ATP8A1: variants seen among roughly 807,000 people sequenced by gnomAD.
The protein encoded by ATP8A1 is ATPase phospholipid transporting 8A1.
Under a neutral mutation model 177.7 loss-of-function variants are expected in ATP8A1, and 90 were observed. That is an observed-to-expected ratio of 0.51 (90% confidence interval 0.43 to 0.60). The LOEUF (loss-of-function observed/expected upper bound fraction) is 0.60. ATP8A1 is among the 20% of genes least tolerant of loss of function. The pLI is 0.00. For synonymous variants in ATP8A1, 493 were observed against 485.9 expected (o/e 1.01, Z -0.19); for missense variants, 1,072 against 1,392.8 (o/e 0.77, Z 3.67).
At chr4:42,644,277 C>T (rs1407224730) in intron 1 of ATP8A1, among the ~76,000 whole-genome samples, 1 of 152,060 alleles carries the variant, frequency 6.6e-6, no homozygotes, top group Non-Finnish European at 1.5e-5. Context: ...CAATTTGGTA[C>T]CTGGGGAAAT....
intron 16 of ATP8A1, among the ~76,000 whole-genome samples, chr4:42,555,139 A>ATCTATCTATCTTATCT (rs1553903246): frequency 4.2e-4 from 25 of 59,558 alleles, no homozygotes; most frequent in East Asian, 1.3e-3. Flanking sequence ...CTATCTATCT[A>ATCTATCTATCTTATCT]ATCTATCTAT....
At chr4:42,509,916 A>C (rs1381840921) in intron 22 of ATP8A1, among the ~76,000 whole-genome samples, 1 of 151,952 alleles carries the variant, frequency 6.6e-6, no homozygotes. Context: ...TTAAAATAAA[A>C]TTTCCCCTCT....
At position 42,506,998 on chromosome 4, in the gene ATP8A1, G is replaced by A. The variant is rs768502889; in HGVS notation, c.2086+18C>T. ...ATTAAAAAGCACCAACATGTAAAAT[G>A]TGAACTAGGTGAATTACCGATGTTA... On this transcript the variant is annotated intron_variant, in intron 23 of 36. Coordinates refer to ENST00000381668, the MANE Select transcript of ATP8A1 (RefSeq NM_006095.2). 1.2e-6 allele frequency: 2 copies of A among 1,610,656 alleles called. No homozygotes were observed. The highest frequency in any genetic ancestry group is 8.5e-7 in the Non-Finnish European group (1 of 1,178,846).
At chr4:42,520,909 A>G (rs1022328525) in intron 22 of ATP8A1, among the ~76,000 whole-genome samples, 2 of 152,196 alleles carry the variant, frequency 1.3e-5, no homozygotes, top group African/African-American at 4.8e-5. Context: ...ACAGGACACC[A>G]ATATCTCGAG....
intron 20 of ATP8A1, among the ~76,000 whole-genome samples, chr4:42,535,231 C>T (rs1349071744): frequency 1.3e-5 from 2 of 152,056 alleles, no homozygotes; most frequent in East Asian, 3.9e-4. Context: ...ACTTACCTGA[C>T]ATATTAGGGC....
At chr4:42,652,570 T>C (rs754280733) in intron 1 of ATP8A1, among the ~76,000 whole-genome samples, 4 of 152,182 alleles carry the variant, frequency 2.6e-5, no homozygotes, top group Admixed American at 1.3e-4. Flanking sequence ...TATAATATGA[T>C]TGCTATGATT....
At chr4:42,656,273 A>G (rs10003907) in intron 1 of ATP8A1, among the ~76,000 whole-genome samples, 54,183 of 152,030 alleles carry the variant, frequency 0.36, 10,623 homozygotes, top group African/African-American at 0.52. Context: ...GAAACCTCAG[A>G]CGCGAGCCGG....
intron 4 of ATP8A1, among the ~76,000 whole-genome samples, chr4:42,623,721 G>A (rs1247472939): frequency 3.9e-5 from 6 of 152,088 alleles, no homozygotes; most frequent in Non-Finnish European, 8.8e-5. Flanking sequence ...AGGAGGGAGA[G>A]GATCAGGAAA....
intron 17 of ATP8A1, 46 bp from the exon 18 acceptor site, chr4:42,551,326 A>G: frequency 7.3e-7 from 1 of 1,374,204 alleles, no homozygotes; most frequent in Non-Finnish European, 1.0e-6. Flanking sequence ...TTGAAAAAAA[A>G]ATATTCTCAG....
intron 20 of ATP8A1, among the ~76,000 whole-genome samples, chr4:42,538,754 A>G (rs1728082788): frequency 6.6e-6 from 1 of 152,190 alleles, no homozygotes; most frequent in Non-Finnish European, 1.5e-5. Flanking sequence ...AACTCAAAAA[A>G]TAATAGATGT....
intron 33 of ATP8A1, among the ~76,000 whole-genome samples, chr4:42,428,525 G>T (rs1331504473): frequency 6.6e-6 from 1 of 152,158 alleles, no homozygotes; most frequent in Non-Finnish European, 1.5e-5. Flanking sequence ...GGCCAACTTT[G>T]CTTATCCCAG....
At chr4:42,474,075 TG>T (rs1480744878) in intron 25 of ATP8A1, among the ~76,000 whole-genome samples, 4 of 152,126 alleles carry the variant, frequency 2.6e-5, no homozygotes, top group African/African-American at 9.7e-5. Context: ...TAGTGGAAGG[TG>T]GAACAATTGG....
chr4:42,539,052 A>G (rs1728119126), intron 20 of ATP8A1, among the ~76,000 whole-genome samples: 1 of 152,252 alleles, frequency 6.6e-6, no homozygotes, highest in South Asian at 2.1e-4. Context: ...TGGTATCTGT[A>G]TATACCACGG....
At chr4:42,586,523 A>T in intron 8 of ATP8A1, 47 bp from the exon 9 acceptor site, 1 of 1,580,392 alleles carries the variant, frequency 6.3e-7, no homozygotes, top group Non-Finnish European at 8.6e-7. Flanking sequence ...AATAAGTTGT[A>T]TCTGGGCAAA....
At chr4:42,440,257 C>T (rs7673058) in intron 33 of ATP8A1, among the ~76,000 whole-genome samples, 5,488 of 152,082 alleles carry the variant, frequency 0.036, 335 homozygotes, top group African/African-American at 0.12. Context: ...GCCTCCTAAG[C>T]GGCTTGCAAT....
chr4:42,595,408 A>C (rs1018434902), intron 6 of ATP8A1, among the ~76,000 whole-genome samples: 5 of 152,188 alleles, frequency 3.3e-5, no homozygotes, highest in Admixed American at 3.3e-4. Flanking sequence ...CTTTTTATTT[A>C]TGACACGTAT....
At chr4:42,448,113 T>C (rs538430207) in intron 30 of ATP8A1, among the ~76,000 whole-genome samples, 180 of 152,248 alleles carry the variant, frequency 1.2e-3, no homozygotes, top group African/African-American at 4.2e-3. Context: ...ACCTAACACA[T>C]GGTAATATAA....
chr4:42,538,609 C>A (rs755190434), intron 20 of ATP8A1, among the ~76,000 whole-genome samples: 2 of 152,110 alleles, frequency 1.3e-5, no homozygotes, highest in Non-Finnish European at 2.9e-5. Flanking sequence ...CATGAACAGA[C>A]AATCCTCAAA....
At chr4:42,521,672 A>G (rs1252603123) in intron 22 of ATP8A1, among the ~76,000 whole-genome samples, 1 of 152,270 alleles carries the variant, frequency 6.6e-6, no homozygotes. Context: ...CTGCGACAGA[A>G]ATAATACAGG....
Sources: gnomAD v4.1 joint callset for allele counts (sites outside exome capture counted in the v4.1 genomes callset) on GRCh38, gnomAD v4.1.1 for gene constraint, MANE v1.5 for transcripts, NCBI Gene and HGNC (gene_info 2026-07-23, HGNC 2026-07-21) for gene names.